The following GPR137B variants were observed in gnomAD, a reference collection of about 807,000 sequenced individuals.
The protein encoded by GPR137B is G protein-coupled receptor 137B, also known as integral membrane protein GPR137B.
A neutral mutation model predicts 42.5 loss-of-function variants in GPR137B; 42 were observed. The ratio of observed to expected loss-of-function variants is 0.99; its 90% CI spans 0.77 to 1.28. GPR137B has a LOEUF of 1.28. Ranked by LOEUF, GPR137B falls within the 50% of genes most tolerant of loss-of-function variation. The pLI is 0.00. For synonymous variants in GPR137B, 218 were observed against 209.7 expected, an observed-to-expected ratio of 1.04 and a Z score of -0.34; for missense variants, 487 against 493.9, an observed-to-expected ratio of 0.99 and a Z score of 0.13.
rs1051818775 is a variant in GPR137B at position 236,171,501 on chromosome 1, C to A, written c.464+2746C>A. On this transcript the variant is annotated intron_variant, in intron 2 of 6. Coordinates refer to ENST00000366592, the MANE Select transcript of GPR137B (RefSeq NM_003272.4). The surrounding 1 kb of genome is among the most constrained non-coding windows in gnomAD (Gnocchi z 4.4). ...TGAGGCTGGGGTAATTAGATGTCTT[C>A]TAGAGGTGGAATATAAAAGCACTGG... Among the ~76,000 whole-genome samples, 2 of 152,156 alleles carry A rather than the reference C, an allele frequency of 1.3e-5. No homozygotes were observed. The highest frequency in any genetic ancestry group is 2.9e-5 in the Non-Finnish European group (2 of 68,030).
At chr1:236,199,869 TTTG>T (rs1663443871) in intron 5 of GPR137B, among the ~76,000 whole-genome samples, 1 of 152,066 alleles carries the variant, frequency 6.6e-6, no homozygotes, top group South Asian at 2.1e-4. Context: ...TGCTCTGATC[TTTG>T]TTATTTCTTT....
intron 1 of GPR137B, among the ~76,000 whole-genome samples, chr1:236,165,309 G>A (rs1662320424): frequency 6.6e-6 from 1 of 152,222 alleles, no homozygotes; most frequent in African/African-American, 2.4e-5. Context: ...TTGAGCTTGG[G>A]AGGATGAAAA....
chr1:236,202,478 A>G (rs1043029065), intron 5 of GPR137B, among the ~76,000 whole-genome samples: 1 of 151,982 alleles, frequency 6.6e-6, no homozygotes, highest in Non-Finnish European at 1.5e-5. Flanking sequence ...GAATTCCTTC[A>G]GTTTTCCTGG....
intron 1 of GPR137B, among the ~76,000 whole-genome samples, chr1:236,154,695 T>C (rs1015321652): frequency 2.0e-5 from 3 of 152,096 alleles, no homozygotes; most frequent in African/African-American, 7.2e-5. Flanking sequence ...TCCTCACTTC[T>C]GAAGCAGAAA....
intron 5 of GPR137B, among the ~76,000 whole-genome samples, chr1:236,194,245 T>C (rs1663278022): frequency 6.6e-6 from 1 of 152,162 alleles, no homozygotes; most frequent in African/African-American, 2.4e-5. Flanking sequence ...TTGAGAAGCA[T>C]CTGTATTTGC....
At chr1:236,187,983 G>C (rs1337556250) in intron 5 of GPR137B, among the ~76,000 whole-genome samples, 1 of 152,134 alleles carries the variant, frequency 6.6e-6, no homozygotes, top group Non-Finnish European at 1.5e-5. Flanking sequence ...TTTTCCATTT[G>C]TTTGTGTCCT....
At chr1:236,159,340 T>A (rs1023062973) in intron 1 of GPR137B, among the ~76,000 whole-genome samples, 1 of 151,996 alleles carries the variant, frequency 6.6e-6, no homozygotes, top group Non-Finnish European at 1.5e-5. Flanking sequence ...ACAGAAAGAT[T>A]GTAAGACAGC....
At position 236,203,831 on chromosome 1, in the gene GPR137B, A is replaced by AT. The variant is rs1469304546; in HGVS notation, c.967-1289dup. On this transcript the variant is annotated intron_variant, in intron 5 of 6. Transcript: ENST00000366592. ...CTCTTGGTATATAGAAATGCTACTG[A>AT]TTTTTTGTGCAACTTTACTGAATTT... Among the ~76,000 whole-genome samples the AT allele has an allele frequency of 1.1e-4, 16 of 152,190 alleles. No individual in the cohort carries two copies. The East Asian group carries it at 2.5e-3, about 24-fold the overall frequency.
At chr1:236,181,156 A>G (rs1274237486) in intron 4 of GPR137B, among the ~76,000 whole-genome samples, 1 of 152,186 alleles carries the variant, frequency 6.6e-6, no homozygotes, top group Non-Finnish European at 1.5e-5. Flanking sequence ...GTTTTATAAA[A>G]GCTCATGGCA....
intron 1 of GPR137B, among the ~76,000 whole-genome samples, chr1:236,161,256 C>A (rs1479965328): frequency 2.6e-5 from 4 of 152,250 alleles, no homozygotes; most frequent in African/African-American, 9.6e-5. Flanking sequence ...TCCCCCGAAG[C>A]TCTCCGCACC....
At chr1:236,195,511 A>C (rs1663307500) in intron 5 of GPR137B, among the ~76,000 whole-genome samples, 1 of 152,120 alleles carries the variant, frequency 6.6e-6, no homozygotes, top group Non-Finnish European at 1.5e-5. Flanking sequence ...TCATCTGCTG[A>C]TGAACACTTA....
In GPR137B at chr1:236,208,206, A is replaced by G. The variant is rs1353348161; in HGVS notation, c.*48A>G. ...CGATTCCTCAGATGAAAAGCTTCAG[A>G]AAAGCATAGTGACAGCTGAATTTTT... On this transcript the variant is annotated 3_prime_UTR_variant, in exon 7 of 7. Coordinates refer to ENST00000366592, the MANE Select transcript of GPR137B (RefSeq NM_003272.4). 6.3e-7 allele frequency: 1 copy of G among 1,598,926 alleles called. No homozygotes were observed. Among genetic ancestry groups the G allele is most frequent in the Admixed American group, 1.7e-5 (1 of 57,854 alleles).
chr1:236,164,623 G>A (rs974437843), intron 1 of GPR137B, among the ~76,000 whole-genome samples: 1 of 152,158 alleles, frequency 6.6e-6, no homozygotes, highest in Admixed American at 6.5e-5. Flanking sequence ...GGGAGTGGGT[G>A]GGAGAGTTTA....
At position 236,188,986 on chromosome 1, in the gene GPR137B, C is replaced by T. The variant is rs142082523; in HGVS notation, c.966+5080C>T. 9.5e-3 allele frequency among the ~76,000 whole-genome samples: 1,440 copies of T among 152,220 alleles called. 13 individuals are homozygous for T. Among genetic ancestry groups the T allele is most frequent in the African/African-American group, 0.031 (1,292 of 41,532 alleles). ...CGGTTGGTAGGTTATTAATTACTGC[C>T]TCAATTTCAGAACTTGTTATTGGTC... On this transcript the variant is annotated intron_variant, in intron 5 of 6. Coordinates refer to ENST00000366592, the MANE Select transcript of GPR137B (RefSeq NM_003272.4).
Position 236,156,398 on chromosome 1 carries a change from C to T in GPR137B, c.415-12308C>T, listed in dbSNP as rs1662028451. ...AGAACTTTATGGCATGGACAGCGTG[C>T]TTGCTTGCCTTTTCTGGCCAGTTAC... On this transcript the variant is annotated intron_variant, in intron 1 of 6. Coordinates refer to ENST00000366592, the MANE Select transcript of GPR137B (RefSeq NM_003272.4). The surrounding 1 kb of genome is among the most constrained non-coding windows in gnomAD (Gnocchi z 4.8). Among the ~76,000 whole-genome samples, 1 of 152,226 alleles carries T rather than the reference C, an allele frequency of 6.6e-6. No individual in the cohort carries two copies. The highest frequency in any genetic ancestry group is 2.4e-5 in the African/African-American group (1 of 41,458).
intron 2 of GPR137B, among the ~76,000 whole-genome samples, chr1:236,172,455 C>T (rs1662564911): frequency 6.6e-6 from 1 of 152,214 alleles, no homozygotes; most frequent in African/African-American, 2.4e-5. Context: ...CAGCCAAGAA[C>T]CACTTTATTT....
intron 1 of GPR137B, among the ~76,000 whole-genome samples, chr1:236,147,844 C>T (rs1661724231): frequency 6.6e-6 from 1 of 152,250 alleles, no homozygotes; most frequent in Admixed American, 6.5e-5. Flanking sequence ...TTTTCTCCAT[C>T]TCCACTCTCC....
At chr1:236,163,579 G>C (rs1662260618) in intron 1 of GPR137B, among the ~76,000 whole-genome samples, 1 of 152,128 alleles carries the variant, frequency 6.6e-6, no homozygotes, top group African/African-American at 2.4e-5. Context: ...TGAATCACGG[G>C]GGCCGGTCTT....
chr1:236,169,623 G>A (rs965699491), intron 2 of GPR137B, among the ~76,000 whole-genome samples: 5 of 152,150 alleles, frequency 3.3e-5, no homozygotes, highest in African/African-American at 1.2e-4. Context: ...GTGTAATCTG[G>A]AAGGGAACCT....
Sources: allele counts gnomAD v4.1 joint callset (sites outside exome capture counted in the v4.1 genomes callset), GRCh38; gene constraint gnomAD v4.1.1; non-coding constraint Gnocchi (gnomAD v3.1); transcripts MANE v1.5; gene names NCBI Gene and HGNC (gene_info 2026-07-23, HGNC 2026-07-21).